Variants in CELF1 observed in about 807,000 individuals in gnomAD.
CELF1 encodes CUGBP Elav-like family member 1, also known as 50 kDa nuclear polyadenylated RNA-binding protein.
CELF1 carries 10 observed loss-of-function variants against 61.8 expected under a neutral mutation model. The observed-to-expected ratio is 0.16, with a 90% CI of 0.10 to 0.27. The LOEUF (loss-of-function observed/expected upper bound fraction) is 0.27. CELF1 is among the 10% of genes least tolerant of loss of function. CELF1 has a pLI of 1.00. For synonymous variants in CELF1, 236 were observed against 225.1 expected (o/e 1.05, Z -0.43); for missense variants, 380 against 639.1 (o/e 0.59, Z 4.37).
At chr11:47,508,730 G>C (rs1237233484) in intron 1 of CELF1, among the ~76,000 whole-genome samples, 1 of 151,308 alleles carries the variant, frequency 6.6e-6, no homozygotes, top group Non-Finnish European at 1.5e-5. Context: ...TTCCACACAG[G>C]ATTCTGTCAC....
chr11:47,544,204 A>G (rs1391050343), intron 1 of CELF1, among the ~76,000 whole-genome samples: 3 of 152,212 alleles, frequency 2.0e-5, no homozygotes, highest in Non-Finnish European at 2.9e-5. Context: ...GCTACTGCTC[A>G]TCTATGTATG....
intron 1 of CELF1, among the ~76,000 whole-genome samples, chr11:47,551,235 T>C (rs1414860195): frequency 6.6e-6 from 1 of 152,126 alleles, no homozygotes; most frequent in African/African-American, 2.4e-5. Flanking sequence ...TCAGAATGAA[T>C]GGTTGAATAG....
intron 4 of CELF1, among the ~76,000 whole-genome samples, chr11:47,488,399 T>C (rs1032740708): frequency 2.0e-5 from 3 of 152,196 alleles, no homozygotes; most frequent in African/African-American, 7.2e-5. Context: ...AAGAAACCAA[T>C]GGGTATGTGG....
At chr11:47,474,794 A>G (rs886699923) in intron 13 of CELF1, among the ~76,000 whole-genome samples, 1 of 152,206 alleles carries the variant, frequency 6.6e-6, no homozygotes, top group Admixed American at 6.5e-5. Flanking sequence ...CTTTCTGGCT[A>G]AAGAGTCTCT....
At chr11:47,547,065 CAAAAAAAAAAAAA>C (rs61222771) in intron 1 of CELF1, among the ~76,000 whole-genome samples, 654 of 40,020 alleles carry the variant, frequency 0.016, 20 homozygotes, top group African/African-American at 0.093. Flanking sequence ...AACTCCACCT[CAAAAAAAAAAAAA>C]AAAAAAAAAA....
At chr11:47,474,166 G>C (rs1301209770) in intron 13 of CELF1, among the ~76,000 whole-genome samples, 1 of 152,120 alleles carries the variant, frequency 6.6e-6, no homozygotes, top group Non-Finnish European at 1.5e-5. Flanking sequence ...CAAAGTGCTG[G>C]GATTACAGGC....
chr11:47,489,206 A>G (rs1227574120), intron 3 of CELF1, among the ~76,000 whole-genome samples, 182 bp from the exon 4 acceptor site: 1 of 152,110 alleles, frequency 6.6e-6, no homozygotes, highest in African/African-American at 2.4e-5. Context: ...CACCCATTCC[A>G]TCAGATGCCA....
chr11:47,531,244 A>AAACAAC lies in CELF1; in HGVS notation c.-154+21742_-154+21747dup, dbSNP rs553113820. Among the ~76,000 whole-genome samples the AAACAAC allele has an allele frequency of 7.3e-5, 11 of 151,426 alleles. No individual in the cohort carries two copies. The East Asian group carries it at 1.4e-3, about 19-fold the overall frequency. On this transcript the variant is annotated intron_variant, in intron 1 of 14. Coordinates refer to ENST00000687097, the MANE Select transcript of CELF1 (RefSeq NM_001376376.1). ...CTTGTCACAGCAAGACTCCGAATCA[A>AAACAAC]AACAACAACAACAACAACAACAAAA... is the stretch of plus-strand genomic sequence containing the variant.
intron 1 of CELF1, chr11:47,507,042 T>A (rs1349272933): frequency 1.3e-5 from 2 of 152,214 alleles, no homozygotes; most frequent in Admixed American, 6.5e-5. Context: ...GCGCCCTTTT[T>A]ACTCAATGCC....
chr11:47,483,330 T>A, intron 8 of CELF1, 123 bp downstream of exon 8: 1 of 740,212 alleles, frequency 1.4e-6, no homozygotes, highest in Non-Finnish European at 2.4e-6. Context: ...TTTTTAACTT[T>A]AAGATGTTGG....
intron 2 of CELF1, among the ~76,000 whole-genome samples, chr11:47,564,171 C>CAAAAAAAAAAAAAAAAAA (rs779009192): frequency 6.4e-5 from 4 of 62,914 alleles, no homozygotes; most frequent in African/African-American, 6.1e-5. Context: ...ACTAAAAATA[C>CAAAAAAAAAAAAAAAAAA]AAAAAAAAAA....
At chr11:47,501,038 G>C (rs1040106308) in intron 1 of CELF1, 106 bp from the exon 2 acceptor site, 1 of 396,564 alleles carries the variant, frequency 2.5e-6, no homozygotes, top group African/African-American at 2.1e-5. Context: ...TCTAATCTGT[G>C]TAACAATGGC....
At chr11:47,520,661 A>G (rs1222232492) in intron 1 of CELF1, among the ~76,000 whole-genome samples, 1 of 152,146 alleles carries the variant, frequency 6.6e-6, no homozygotes, top group Admixed American at 6.5e-5. Flanking sequence ...AATACAAAAA[A>G]ATTAACTGGG....
chr11:47,531,785 C>T (rs535810335), intron 1 of CELF1, among the ~76,000 whole-genome samples: 42 of 152,284 alleles, frequency 2.8e-4, no homozygotes, highest in African/African-American at 7.7e-4. Context: ...CATCTCCTCT[C>T]GTTAAGCACA....
intron 9 of CELF1, among the ~76,000 whole-genome samples, chr11:47,481,294 A>AT (rs771476686): frequency 1.3e-4 from 20 of 151,024 alleles, no homozygotes; most frequent in Non-Finnish European, 2.5e-4. Flanking sequence ...CACCCATGTA[A>AT]TTTTTTTGTA....
At chr11:47,479,991 C>G (rs1039659886) in intron 9 of CELF1, among the ~76,000 whole-genome samples, 3 of 151,914 alleles carry the variant, frequency 2.0e-5, no homozygotes, top group Non-Finnish European at 4.4e-5. Flanking sequence ...TCCTCCAGGA[C>G]AGTAGAGCCT....
rs1382548942 is a variant in CELF1, at chr11:47,558,634, AATG to A, written c.-11+5714_-11+5716del. 1.1e-3 allele frequency among the ~76,000 whole-genome samples: 114 copies of A among 107,084 alleles called. 2 individuals carry two copies. Among genetic ancestry groups the A allele is most frequent in the Middle Eastern group, 7.6e-3 (1 of 132 alleles). 70.3% of individuals were successfully genotyped at this position (107,084 alleles called of 152,430 possible). ...ATATGTGCAATATAATATATAATAT[AATG>A]TGTAATATATTAGATATAATATATT... On this transcript the variant is annotated intron_variant, in intron 2 of 3. Coordinates refer to the CELF1 transcript ENST00000525841.
chr11:47,492,205 C>T (rs533923824), intron 3 of CELF1, among the ~76,000 whole-genome samples: 1 of 152,052 alleles, frequency 6.6e-6, no homozygotes, highest in East Asian at 1.9e-4. Flanking sequence ...GTCTGAAACT[C>T]CTGGGCTCAA....
In CELF1 at chr11:47,473,117, T is replaced by C. The variant is rs753448696; in HGVS notation, c.1388A>G (p.Asp463Gly). Residue 463 changes from aspartate to glycine, a missense_variant, in exon 14 of 15, where the codon GAC becomes GGC. Coordinates refer to ENST00000687097, the MANE Select transcript of CELF1 (RefSeq NM_001376376.1). The part of the protein sequence containing the change: ...GNVVSAKVFI[D>G]KQTNLSKCFG... ...ACACTTGCTCAGGTTTGTCTGCTTG[T>C]CTATGAAAACCTTGGCAGACACGAC... is the stretch of plus-strand genomic sequence containing the variant. The C allele has an allele frequency of 6.2e-7, 1 of 1,614,110 alleles. No individual in the cohort carries two copies. Among genetic ancestry groups the C allele is most frequent in the Non-Finnish European group, 8.5e-7 (1 of 1,180,010 alleles).
Sources: allele counts gnomAD v4.1 joint callset (sites outside exome capture counted in the v4.1 genomes callset), GRCh38; gene constraint gnomAD v4.1.1; transcripts MANE v1.5; gene names NCBI Gene and HGNC (gene_info 2026-07-23, HGNC 2026-07-21).